NUDT6: variants seen among roughly 807,000 people sequenced by gnomAD.
NUDT6 encodes the protein nudix hydrolase 6.
NUDT6 carries 24 observed loss-of-function variants against 36.8 expected under a neutral mutation model. The ratio of observed to expected loss-of-function variants is 0.65; its 90% confidence interval spans 0.47 to 0.92. The LOEUF (loss-of-function observed/expected upper bound fraction) is 0.92, where lower values mean the gene tolerates loss of function less well. NUDT6 is among the 40% of genes least tolerant of loss of function. The probability of loss-of-function intolerance (pLI) is 0.00; values close to 1 mark genes in which losing one functional copy is unlikely to be tolerated. For missense variants in NUDT6, 388 were observed against 392.8 expected (o/e 0.99, Z 0.10); for synonymous variants, 163 against 157.0 (o/e 1.04, Z -0.29).
chr4:122,914,330 T>C (rs1727789280), intron 2 of NUDT6, among the ~76,000 whole-genome samples: 1 of 152,172 alleles, frequency 6.6e-6, no homozygotes, highest in African/African-American at 2.4e-5. Context: ...ATGTAAGCTA[T>C]AATTTAACTG....
In NUDT6 at chr4:122,893,028, G is replaced by A; in HGVS notation, c.751C>T (p.Leu251Phe). 6.2e-7 allele frequency: 1 copy of A among 1,614,128 alleles called. No homozygotes were observed. Among genetic ancestry groups the A allele is most frequent in the Non-Finnish European group, 8.5e-7 (1 of 1,180,020 alleles). Reference protein sequence around the residue: ...EECLRCEWMDLNDLAKTENTT... With the variant: ...EECLRCEWMDFNDLAKTENTT... ...TTTTCAGTCTTCGCCAGGTCATTGAGATCCATCCACTCACATCTTAAGCAT... is the reference window on the plus strand; with the variant it reads ...TTTTCAGTCTTCGCCAGGTCATTGAAATCCATCCACTCACATCTTAAGCAT... The change falls in exon 5 of 5, where the codon CTC becomes TTC. Residue 251 changes from leucine (L) to phenylalanine (F), a missense_variant. Physicochemically the swap from Leu to Phe is conservative, Grantham distance 22. Coordinates refer to ENST00000304430, the MANE Select transcript of NUDT6 (RefSeq NM_007083.5).
intron 3 of NUDT6, chr4:122,897,907 G>A (rs1727413915): frequency 1.9e-6 from 1 of 514,510 alleles, no homozygotes. Flanking sequence ...GGAAATATAA[G>A]TGGTTTTGTT....
chr4:122,912,670 C>T (rs2150807586), intron 2 of NUDT6, 47 bp from the exon 3 acceptor site: 1 of 1,187,214 alleles, frequency 8.4e-7, no homozygotes, highest in Non-Finnish European at 1.3e-6. Context: ...TAATTTCATT[C>T]ACCTTAATCT....
At chr4:122,913,912 A>G (rs145271466) in intron 2 of NUDT6, among the ~76,000 whole-genome samples, 102 of 152,322 alleles carry the variant, frequency 6.7e-4, no homozygotes, top group African/African-American at 2.2e-3. Context: ...ACATTTTTTA[A>G]AAGATACTTT....
At chr4:122,893,273 A>G (rs747690672) in intron 4 of NUDT6, 48 bp from the exon 5 acceptor site, 1 of 1,504,382 alleles carries the variant, frequency 6.6e-7, no homozygotes, top group Non-Finnish European at 8.9e-7. Flanking sequence ...ACACTTTTAG[A>G]AACTGTATCA....
intron 2 of NUDT6, among the ~76,000 whole-genome samples, chr4:122,914,371 T>C (rs570778039): frequency 4.8e-4 from 73 of 152,266 alleles, no homozygotes; most frequent in Non-Finnish European, 8.1e-4. Context: ...GCCAAAGAAA[T>C]GCCAAGGAAA....
At chr4:122,899,560 A>G (rs549067717) in intron 3 of NUDT6, among the ~76,000 whole-genome samples, 1 of 152,240 alleles carries the variant, frequency 6.6e-6, no homozygotes, top group African/African-American at 2.4e-5. Context: ...AATCTAGTTA[A>G]TGTCCTAGAT....
intron 3 of NUDT6, among the ~76,000 whole-genome samples, chr4:122,901,836 C>T (rs1578492145): frequency 6.6e-6 from 1 of 152,178 alleles, no homozygotes; most frequent in Non-Finnish European, 1.5e-5. Context: ...CTTCCCTAGG[C>T]ATGGCTACTG....
chr4:122,905,030 G>A (rs775599303), intron 3 of NUDT6, among the ~76,000 whole-genome samples: 9 of 152,200 alleles, frequency 5.9e-5, no homozygotes, highest in Non-Finnish European at 1.2e-4. Flanking sequence ...AGTTTCCACA[G>A]CATGGAAGGG....
At chr4:122,901,695 T>C (rs984175883) in intron 3 of NUDT6, among the ~76,000 whole-genome samples, 1 of 152,228 alleles carries the variant, frequency 6.6e-6, no homozygotes, top group African/African-American at 2.4e-5. Flanking sequence ...TGAAAACTTA[T>C]CCTGAAGATA....
intron 3 of NUDT6, among the ~76,000 whole-genome samples, chr4:122,900,211 C>A (rs1164389733): frequency 6.6e-6 from 1 of 151,982 alleles, no homozygotes; most frequent in East Asian, 1.9e-4. Flanking sequence ...CATCCAAATC[C>A]TTTTCCGAAG....
intron 3 of NUDT6, 77 bp downstream of exon 3, chr4:122,912,491 T>C: frequency 9.5e-7 from 1 of 1,049,504 alleles, no homozygotes; most frequent in Non-Finnish European, 1.5e-6. Flanking sequence ...TTAGGCATAT[T>C]AAAATTTCTA....
intron 2 of NUDT6, 52 bp downstream of exon 2, chr4:122,917,449 T>C: frequency 6.9e-7 from 1 of 1,444,398 alleles, no homozygotes. Flanking sequence ...AAGCAAGAAA[T>C]TGGGTGAACG....
Position 122,899,427 on chromosome 4 carries a change from A to G in NUDT6, c.499-1749T>C, listed in dbSNP as rs181998766. On this transcript the variant is annotated intron_variant, in intron 3 of 4. Transcript: ENST00000304430. ...TATTAGGTATATGTTTATGCTGGTA[A>G]GTATTTTGTGACATTTTATGGCACC... 2.6e-5 allele frequency among the ~76,000 whole-genome samples: 4 copies of G among 152,264 alleles called. No homozygotes were observed. The East Asian group carries it at 7.7e-4, about 29-fold the overall frequency.
At chr4:122,915,957 A>C (rs1231699790) in intron 2 of NUDT6, among the ~76,000 whole-genome samples, 1 of 152,036 alleles carries the variant, frequency 6.6e-6, no homozygotes, top group African/African-American at 2.4e-5. Context: ...TACCTTAAAA[A>C]CTCTTGTAAA....
At chr4:122,908,486 C>G (rs1440194778) in intron 3 of NUDT6, among the ~76,000 whole-genome samples, 1 of 152,188 alleles carries the variant, frequency 6.6e-6, no homozygotes, top group African/African-American at 2.4e-5. Context: ...CTTTAAACAT[C>G]CTGCCTCTTC....
At chr4:122,905,302 T>A (rs1727597994) in intron 3 of NUDT6, among the ~76,000 whole-genome samples, 1 of 152,214 alleles carries the variant, frequency 6.6e-6, no homozygotes, top group South Asian at 2.1e-4. Flanking sequence ...CTAAATGGTA[T>A]TATTAATAAA....
intron 3 of NUDT6, among the ~76,000 whole-genome samples, chr4:122,899,671 C>CTAA (rs1727470688): frequency 1.3e-5 from 2 of 152,090 alleles, no homozygotes; most frequent in Non-Finnish European, 2.9e-5. Flanking sequence ...CATTAAAATA[C>CTAA]TAATGCTGGG....
intron 3 of NUDT6, among the ~76,000 whole-genome samples, chr4:122,910,839 G>A (rs565693087): frequency 2.0e-5 from 3 of 152,172 alleles, no homozygotes; most frequent in Non-Finnish European, 2.9e-5. Flanking sequence ...CTAGGGACCC[G>A]GGTCTGCTGA....
Sources: allele counts gnomAD v4.1 joint callset (sites outside exome capture counted in the v4.1 genomes callset), GRCh38; gene constraint gnomAD v4.1.1; transcripts MANE v1.5; gene names NCBI Gene and HGNC (gene_info 2026-07-23, HGNC 2026-07-21).